Variants in MYLK observed in about 807,000 individuals in gnomAD.
MYLK encodes myosin light chain kinase.
A neutral mutation model predicts 203.4 loss-of-function variants in MYLK; 106 were observed. The ratio of observed to expected loss-of-function variants is 0.52; its 90% CI spans 0.45 to 0.61. The LOEUF is 0.61. Ranked by LOEUF, MYLK falls within the 20% of genes least tolerant of loss-of-function variation. The pLI, the probability that MYLK is intolerant of heterozygous loss-of-function variation, is 0.00. For missense variants in MYLK, 2,072 were observed against 2,442.3 expected, an observed-to-expected ratio of 0.85 and a Z score of 3.20; for synonymous variants, 867 against 959.5, an observed-to-expected ratio of 0.90 and a Z score of 1.78.
intron 13 of MYLK, among the ~76,000 whole-genome samples, chr3:123,718,939 G>C (rs539312102): frequency 1.3e-5 from 2 of 152,206 alleles, no homozygotes; most frequent in East Asian, 3.9e-4. Context: ...TGATAAGTAA[G>C]TGTAATACTA....
At chr3:123,821,346 G>A (rs2065931928) in intron 3 of MYLK, among the ~76,000 whole-genome samples, 1 of 152,196 alleles carries the variant, frequency 6.6e-6, no homozygotes, top group Admixed American at 6.5e-5. Context: ...CTGTAGCATA[G>A]TTTTCTTTCT....
chr3:123,767,992 G>A (rs2108967186), intron 4 of MYLK, among the ~76,000 whole-genome samples: 1 of 152,294 alleles, frequency 6.6e-6, no homozygotes, highest in Non-Finnish European at 1.5e-5. Flanking sequence ...GCTTCTGAAG[G>A]AGCCCCTAGG....
rs1352611518 is a variant in MYLK at position 123,614,186 on chromosome 3, A to C, written c.5664T>G (p.Leu1888=). ...AKYTCKAVNS[L]GEATCTAELI... is the part of the protein sequence containing the mutation. ...GCTCTGCTGTGCAGGTGGCTTCTCC[A>C]AGACTGTTGACAGCCTTGCAGGTGT... The change falls in exon 34 of 34, where the codon CTT becomes CTG. Residue 1888 remains leucine (L), a synonymous_variant. Transcript: ENST00000360304. 1 of 1,614,004 alleles carries C rather than the reference A, an allele frequency of 6.2e-7. No individual in the cohort carries two copies. Among genetic ancestry groups the C allele is most frequent in the African/African-American group, 1.3e-5 (1 of 74,884 alleles).
chr3:123,832,772 G>A (rs1299235677), intron 2 of MYLK, among the ~76,000 whole-genome samples: 2 of 152,138 alleles, frequency 1.3e-5, no homozygotes, highest in East Asian at 3.9e-4. Context: ...AAATCTGCTG[G>A]TGTCTTGATC....
intron 4 of MYLK, among the ~76,000 whole-genome samples, chr3:123,763,831 A>G (rs891274948): frequency 2.0e-5 from 3 of 152,146 alleles, no homozygotes; most frequent in East Asian, 1.9e-4. Context: ...AGATATTTTC[A>G]TTACTGGCAA....
chr3:123,628,113 G>A lies in MYLK; in HGVS notation c.5115-1172C>T, dbSNP rs145124752. 3.7e-3 allele frequency among the ~76,000 whole-genome samples: 558 copies of A among 152,218 alleles called. 3 individuals carry two copies. Among genetic ancestry groups the A allele is most frequent in the African/African-American group, 0.013 (531 of 41,520 alleles). On this transcript the variant is annotated intron_variant, in intron 30 of 33. Transcript: ENST00000360304. ...CCCACAGTATCTCAGTTCTCCTTGGGTCATGCCCATTTCTGATACAGACTG... is the reference window on the plus strand; with the variant it reads ...CCCACAGTATCTCAGTTCTCCTTGGATCATGCCCATTTCTGATACAGACTG...
In MYLK at chr3:123,728,952, A is replaced by G. The variant is rs564358420; in HGVS notation, c.1517-2874T>C. On this transcript the variant is annotated intron_variant, in intron 11 of 33. Coordinates refer to ENST00000360304, the MANE Select transcript of MYLK (RefSeq NM_053025.4). ...AATTGTTTAACATTATAGCTACTTG[A>G]GACAGCAATATCATTCGGAGCTAAC... is the stretch of plus-strand genomic sequence containing the variant. Among the ~76,000 whole-genome samples, 3 of 152,314 alleles carry G rather than the reference A, an allele frequency of 2.0e-5. No homozygotes were observed. The South Asian group carries it at 6.2e-4, about 32-fold the overall frequency.
At chr3:123,883,254 G>A (rs986776283) in intron 1 of MYLK, among the ~76,000 whole-genome samples, 9 of 152,056 alleles carry the variant, frequency 5.9e-5, no homozygotes, top group African/African-American at 2.2e-4. Flanking sequence ...TTGGGGAGAG[G>A]AGGGATGGTA....
Position 123,756,021 on chromosome 3 carries a change from A to C in MYLK, c.166-3483T>G, listed in dbSNP as rs549000020. Among the ~76,000 whole-genome samples the C allele has an allele frequency of 9.1e-4, 139 of 152,254 alleles. 3 individuals carry two copies. The South Asian group carries it at 0.017, about 18-fold the overall frequency. ...CCAACAATGTCCACAACAGCTCACAAAGCCAGTCGTTTTACTGGGCCCATG... is the reference window on the plus strand; with the variant it reads ...CCAACAATGTCCACAACAGCTCACACAGCCAGTCGTTTTACTGGGCCCATG... On this transcript the variant is annotated intron_variant, in intron 4 of 33. Transcript: ENST00000360304.
At chr3:123,828,597 A>G (rs544981391) in intron 3 of MYLK, among the ~76,000 whole-genome samples, 1 of 152,300 alleles carries the variant, frequency 6.6e-6, no homozygotes, top group South Asian at 2.1e-4. Flanking sequence ...AAGCAAAAAT[A>G]AACAAATAGT....
intron 8 of MYLK, 197 bp downstream of exon 8, chr3:123,737,181 T>C (rs1232696414): frequency 8.3e-6 from 5 of 605,008 alleles, no homozygotes; most frequent in Non-Finnish European, 1.4e-5. Context: ...GTCATGTCAC[T>C]GCACTCCAGC....
At chr3:123,727,649 T>C (rs1347271321) in intron 11 of MYLK, among the ~76,000 whole-genome samples, 1 of 152,146 alleles carries the variant, frequency 6.6e-6, no homozygotes, top group Non-Finnish European at 1.5e-5. Context: ...GAGGCAAATA[T>C]AGTCTAGGGA....
intron 5 of MYLK, among the ~76,000 whole-genome samples, chr3:123,749,074 A>AATACATAC (rs60797453): frequency 0.17 from 24,462 of 142,078 alleles, 2,163 homozygotes; most frequent in African/African-American, 0.21. Flanking sequence ...GTCTCAGAAA[A>AATACATAC]ATACATACAT....
Position 123,640,202 on chromosome 3 carries a change from G to GT in MYLK, c.4837+84dup. On this transcript the variant is annotated intron_variant, in intron 28 of 33. Coordinates refer to ENST00000360304, the MANE Select transcript of MYLK (RefSeq NM_053025.4). This position sits in a 1 kb window ranked among gnomAD's most constrained non-coding sequence, Gnocchi z 4.3. ...TGGTCTCGGATTTAACCCCAATACT[G>GT]TATGTTTCCTCTCACACTCAGTGTG... 7.7e-7 allele frequency: 1 copy of GT among 1,291,980 alleles called. No homozygotes were observed. The allele number at this position is 1,291,980 out of a possible 1,614,324, so 80.0% of individuals were successfully genotyped here. A position where few individuals can be genotyped will look rare whatever the true frequency, so the allele number is the denominator to read the frequency against.
At chr3:123,681,809 G>T in intron 20 of MYLK, 1 of 253,842 alleles carries the variant, frequency 3.9e-6, no homozygotes, top group Non-Finnish European at 7.9e-6. Context: ...GGCTCTGGGG[G>T]CCACTGCATA....
chr3:123,786,602 AGGGT>A (rs1478060847), intron 4 of MYLK, among the ~76,000 whole-genome samples: 2 of 152,060 alleles, frequency 1.3e-5, no homozygotes, highest in African/African-American at 4.8e-5. Flanking sequence ...ATAGCACAAC[AGGGT>A]ACCTATAGTC....
intron 11 of MYLK, among the ~76,000 whole-genome samples, chr3:123,730,525 A>C (rs1390393430): frequency 6.6e-6 from 1 of 152,246 alleles, no homozygotes; most frequent in Non-Finnish European, 1.5e-5. Context: ...TGCGTGGATA[A>C]ACAAAACACT....
At chr3:123,742,699 G>A (rs1216670358) in intron 5 of MYLK, among the ~76,000 whole-genome samples, 2 of 151,748 alleles carry the variant, frequency 1.3e-5, no homozygotes, top group Non-Finnish European at 2.9e-5. Flanking sequence ...ATTTCATCTG[G>A]GAATAAAGAT....
At chr3:123,831,921 T>G (rs1037829351) in intron 2 of MYLK, among the ~76,000 whole-genome samples, 4 of 152,082 alleles carry the variant, frequency 2.6e-5, no homozygotes, top group African/African-American at 9.7e-5. Flanking sequence ...CGCAGAACCA[T>G]GACGGTGGTA....
Sources: allele counts gnomAD v4.1 joint callset (sites outside exome capture counted in the v4.1 genomes callset), GRCh38; gene constraint gnomAD v4.1.1; non-coding constraint Gnocchi (gnomAD v3.1); transcripts MANE v1.5; gene names NCBI Gene and HGNC (gene_info 2026-07-23, HGNC 2026-07-21).